The following CRACR2A variants were observed in gnomAD, a reference collection of about 807,000 sequenced individuals.
CRACR2A encodes the protein EF-hand calcium-binding domain-containing protein 4B.
A neutral mutation model predicts 90.5 loss-of-function variants in CRACR2A; 79 were observed. The ratio of observed to expected loss-of-function variants is 0.87; its 90% CI spans 0.73 to 1.05. The LOEUF is 1.05. Ranked by LOEUF, CRACR2A falls within the 50% of genes least tolerant of loss-of-function variation. The probability of loss-of-function intolerance (pLI) is 0.00; values close to 1 mark genes in which losing one functional copy is unlikely to be tolerated. For synonymous variants in CRACR2A, 338 were observed against 356.7 expected, an observed-to-expected ratio of 0.95 and a Z score of 0.59; for missense variants, 823 against 897.2, an observed-to-expected ratio of 0.92 and a Z score of 1.06.
At chr12:3,733,872 G>GACACACAC (rs56412036) in intron 1 of CRACR2A, among the ~76,000 whole-genome samples, 38 of 136,178 alleles carry the variant, frequency 2.8e-4, no homozygotes, top group African/African-American at 4.2e-4. Flanking sequence ...AAATTTTCAG[G>GACACACAC]ACACACACAC....
At chr12:3,648,425 ACT>A (rs1944730738) in intron 11 of CRACR2A, 115 bp downstream of exon 11, 2 of 1,587,960 alleles carry the variant, frequency 1.3e-6, no homozygotes, top group East Asian at 4.5e-5. Context: ...AATTGAGGGC[ACT>A]CTCTCAGCAG....
chr12:3,627,903 G>A (rs1441822809), intron 15 of CRACR2A, among the ~76,000 whole-genome samples, 197 bp from the exon 16 acceptor site: 1 of 152,190 alleles, frequency 6.6e-6, no homozygotes, highest in Non-Finnish European at 1.5e-5. Context: ...CTCTGGTCCT[G>A]TCTCTGCCAC....
intron 1 of CRACR2A, among the ~76,000 whole-genome samples, chr12:3,743,529 C>A (rs1207928236): frequency 2.0e-5 from 3 of 152,168 alleles, no homozygotes; most frequent in Non-Finnish European, 2.9e-5. Context: ...ACAGGGGGAT[C>A]AACAGCCTGG....
chr12:3,628,185 T>TTC (rs894002747), intron 15 of CRACR2A, among the ~76,000 whole-genome samples: 7 of 148,984 alleles, frequency 4.7e-5, no homozygotes, highest in African/African-American at 1.7e-4. Context: ...CTCTCTTTCT[T>TTC]TCTCTCTCTC....
chr12:3,697,943 A>ACCTGGC (rs911496370), intron 3 of CRACR2A, among the ~76,000 whole-genome samples: 3 of 152,076 alleles, frequency 2.0e-5, no homozygotes, highest in Admixed American at 6.6e-5. Flanking sequence ...GCATACGGAA[A>ACCTGGC]CCTGGCTTCT....
intron 1 of CRACR2A, among the ~76,000 whole-genome samples, chr12:3,735,697 C>T (rs920301971): frequency 3.3e-5 from 5 of 152,246 alleles, no homozygotes; most frequent in Non-Finnish European, 5.9e-5. Context: ...CGTGGAGCTC[C>T]GAGGCTCACA....
rs1555121377 is a variant in CRACR2A, at chr12:3,733,973, A to ATTTTTATT, written c.-386-764_-386-763insAATAAAAA. Among the ~76,000 whole-genome samples, 4 of 99,796 alleles carry ATTTTTATT rather than the reference A, an allele frequency of 4.0e-5. 1 individual carries two copies. The highest frequency in any genetic ancestry group is 7.8e-5 in the Non-Finnish European group (4 of 51,238). The allele number at this position is 99,796 out of a possible 152,430, so 65.5% of individuals were successfully genotyped here. On this transcript the variant is annotated intron_variant, in intron 1 of 19. Coordinates refer to ENST00000440314, the MANE Select transcript of CRACR2A (RefSeq NM_001144958.2). ...TCCTAGACTGGACACATTTTGCCTT[A>ATTTTTATT]TTTTTTTTTTTTTTTGAGATGGAGT... is the stretch of plus-strand genomic sequence containing the variant.
At chr12:3,702,901 A>G (rs1404394085) in intron 3 of CRACR2A, among the ~76,000 whole-genome samples, 1 of 152,252 alleles carries the variant, frequency 6.6e-6, no homozygotes, top group Non-Finnish European at 1.5e-5. Context: ...ATAAAGCTAT[A>G]GTAGGCAAGA....
chr12:3,708,021 G>A (rs906032547), intron 3 of CRACR2A, among the ~76,000 whole-genome samples: 5 of 152,190 alleles, frequency 3.3e-5, no homozygotes, highest in African/African-American at 1.2e-4. Flanking sequence ...TATCAAGGTG[G>A]TATTATCGAT....
intron 11 of CRACR2A, among the ~76,000 whole-genome samples, chr12:3,645,146 G>A (rs1944660884): frequency 6.6e-6 from 1 of 152,214 alleles, no homozygotes; most frequent in African/African-American, 2.4e-5. Flanking sequence ...TATTTTAGTG[G>A]AGGTATAACT....
chr12:3,738,350 T>C (rs888412289), intron 1 of CRACR2A, among the ~76,000 whole-genome samples: 1 of 152,088 alleles, frequency 6.6e-6, no homozygotes, highest in Non-Finnish European at 1.5e-5. Flanking sequence ...ATACTGACCA[T>C]AAAAATGACT....
intron 10 of CRACR2A, 67 bp downstream of exon 10, chr12:3,654,137 AGCGGCGAG>A: frequency 6.5e-7 from 1 of 1,537,724 alleles, no homozygotes; most frequent in South Asian, 1.2e-5. Context: ...AGGGTCTCTG[AGCGGCGAG>A]GGGACATGCC....
chr12:3,662,459 A>G (rs1204038117), intron 7 of CRACR2A, among the ~76,000 whole-genome samples: 1 of 152,162 alleles, frequency 6.6e-6, no homozygotes, highest in Non-Finnish European at 1.5e-5. Flanking sequence ...TCCTCCCTAC[A>G]TTGTCATAAA....
intron 13 of CRACR2A, among the ~76,000 whole-genome samples, chr12:3,641,094 C>T (rs1367109889): frequency 2.0e-5 from 3 of 152,172 alleles, no homozygotes; most frequent in Non-Finnish European, 4.4e-5. Flanking sequence ...ACCTGTAATC[C>T]TAGCACTTTG....
chr12:3,696,615 C>T (rs1359021573), intron 4 of CRACR2A, among the ~76,000 whole-genome samples, 157 bp downstream of exon 4: 2 of 152,130 alleles, frequency 1.3e-5, no homozygotes, highest in African/African-American at 2.4e-5. Context: ...TCAGGAGGTC[C>T]GGCTCCTAGT....
At chr12:3,685,171 G>A (rs910938183) in intron 4 of CRACR2A, among the ~76,000 whole-genome samples, 1 of 152,224 alleles carries the variant, frequency 6.6e-6, no homozygotes, top group Non-Finnish European at 1.5e-5. Flanking sequence ...CGCCACTCAT[G>A]TAGATTGGAC....
intron 14 of CRACR2A, among the ~76,000 whole-genome samples, chr12:3,634,910 A>G (rs992373080): frequency 1.1e-4 from 16 of 152,082 alleles, no homozygotes; most frequent in African/African-American, 3.9e-4. Flanking sequence ...CTCCTGCCCC[A>G]TTTTCTTTAT....
chr12:3,708,593 T>G (rs1945966119), intron 3 of CRACR2A, among the ~76,000 whole-genome samples: 1 of 151,952 alleles, frequency 6.6e-6, no homozygotes, highest in African/African-American at 2.4e-5. Context: ...CCCGGCTAAT[T>G]TTTTGTATTT....
chr12:3,691,976 G>A (rs574547133), intron 4 of CRACR2A, among the ~76,000 whole-genome samples: 2 of 152,154 alleles, frequency 1.3e-5, no homozygotes, highest in African/African-American at 4.8e-5. Context: ...AATTCTTGTA[G>A]TGTAGTTTTT....
Sources: allele counts gnomAD v4.1 joint callset (sites outside exome capture counted in the v4.1 genomes callset), GRCh38; gene constraint gnomAD v4.1.1; transcripts MANE v1.5; gene names NCBI Gene and HGNC (gene_info 2026-07-23, HGNC 2026-07-21).